PRSS56: variants seen among roughly 807,000 people sequenced by gnomAD.
The protein encoded by PRSS56 is protease, serine 56.
Under a neutral mutation model 66.8 loss-of-function variants are expected in PRSS56, and 55 were observed. The observed-to-expected ratio is 0.82, with a 90% CI of 0.66 to 1.03. PRSS56 has a LOEUF of 1.03. PRSS56 is among the 50% of genes least tolerant of loss of function. The pLI, the probability that PRSS56 is intolerant of heterozygous loss-of-function variation, is 0.00. For missense variants in PRSS56, 869 were observed against 837.2 expected (o/e 1.04, Z -0.47); for synonymous variants, 409 against 387.9 (o/e 1.05, Z -0.64).
intron 11 of PRSS56, 26 bp downstream of exon 11, chr2:232,524,395 A>G: frequency 6.5e-7 from 1 of 1,531,788 alleles, no homozygotes; most frequent in Non-Finnish European, 8.7e-7. Flanking sequence ...GCCGACCTTC[A>G]GGAGGGGATA....
Position 232,525,574 on chromosome 2 carries a change from C to A in PRSS56, c.*68C>A. On this transcript the variant is annotated 3_prime_UTR_variant, in exon 13 of 13. Transcript: ENST00000617714. ...CCAGGGGCTGAGAGGGGTTCGGGAG[C>A]ATAATGACAAACTGTCGCTGCCCCA... 1.0e-6 allele frequency: 1 copy of A among 952,502 alleles called. No homozygotes were observed. The highest frequency in any genetic ancestry group is 1.3e-6 in the Non-Finnish European group (1 of 746,200). 59.0% of individuals were successfully genotyped at this position (952,502 alleles called of 1,614,324 possible).
rs190688793 is a variant in PRSS56 at position 232,520,455 on chromosome 2, C to A, written c.-144C>A. On this transcript the variant is annotated 5_prime_UTR_variant, in exon 1 of 13. Transcript: ENST00000617714. Reference sequence around the variant, plus strand: ...GGCGGGTAATTTTGATGTAAGAGAACGGGGTCAGATGATTTGAGGGACAAG... The same window carrying A: ...GGCGGGTAATTTTGATGTAAGAGAAAGGGGTCAGATGATTTGAGGGACAAG... 5 of 700,084 alleles carry A rather than the reference C, an allele frequency of 7.1e-6. No individual in the cohort carries two copies. Among genetic ancestry groups the A allele is most frequent in the African/African-American group, 3.5e-5 (2 of 57,236 alleles). 43.4% of individuals were successfully genotyped at this position (700,084 alleles called of 1,614,324 possible). A position where few individuals can be genotyped will look rare whatever the true frequency, so the allele number is the denominator to read the frequency against.
Position 232,525,459 on chromosome 2 carries a change from G to A in PRSS56, c.1765G>A (p.Gly589Arg), listed in dbSNP as rs893322816. 2.2e-5 allele frequency: 33 copies of A among 1,521,268 alleles called. No individual in the cohort carries two copies. Among genetic ancestry groups the A allele is most frequent in the Non-Finnish European group, 2.7e-5 (31 of 1,137,484 alleles). The allele number at this position is 1,521,268 out of a possible 1,614,324, so 94.2% of individuals were successfully genotyped here. Residue 589 changes from glycine (G) to arginine (R), a missense_variant, in exon 13 of 13, where the codon GGG (glycine) becomes AGG (arginine). Around this residue, in one of 3 missense-constraint regions of PRSS56, gnomAD observed 551 missense variants for 506.9 expected, o/e 1.09. Coordinates refer to ENST00000617714, the MANE Select transcript of PRSS56 (RefSeq NM_001195129.2). ...GCAGGGGCCCGGGCTGGAGAGGAAG[G>A]GGCACCACCCACTCAACCCTCAGGT... The part of the protein sequence containing the change: ...VGQGPGLERK[G>R]HHPLNPQVPP...
rs764526661 is a variant in PRSS56 at position 232,523,819 on chromosome 2, C to G, written c.1060C>G (p.Pro354Ala). The G allele has an allele frequency of 2.7e-5, 42 of 1,533,610 alleles. No homozygotes were observed. In the African/African-American group the frequency reaches 5.2e-4, roughly 19 times the overall value. ...PSCRELLAWD[P>A]PQELQADAAR... ...CTGCAGGGAGCTTCTGGCCTGGGACCCCCCCCAGGAGCTGCAGGCAGACGC... is the reference window on the plus strand; with the variant it reads ...CTGCAGGGAGCTTCTGGCCTGGGACGCCCCCCAGGAGCTGCAGGCAGACGC... The change falls in exon 9 of 13, where the codon CCC (proline) becomes GCC (alanine). Residue 354 changes from proline (P) to alanine (A), a missense_variant. Transcript: ENST00000617714.
In PRSS56 at chr2:232,524,339, C is replaced by A; in HGVS notation, c.1384C>A (p.Arg462=). 6.5e-7 allele frequency: 1 copy of A among 1,535,684 alleles called. No individual in the cohort carries two copies. The highest frequency in any genetic ancestry group is 2.4e-5 in the East Asian group (1 of 40,896). Residue 462 remains arginine, a synonymous_variant, in exon 11 of 13, where the codon CGG becomes AGG. Transcript: ENST00000617714. ...GGCTGCAGGCACTCGGTTCCCGAAG[C>A]GGAGGCCGGAGCCGCGCGGAGAAGC... ...SRAAGTRFPK[R]RPEPRGEANG... is the part of the protein sequence containing the mutation.
chr2:232,523,602 C>T, intron 8 of PRSS56, 24 bp downstream of exon 8: 1 of 1,507,828 alleles, frequency 6.6e-7, no homozygotes, highest in Non-Finnish European at 8.8e-7. Context: ...TTCCAATGCC[C>T]CGTCCCCAGT....
intron 2 of PRSS56, 56 bp from the exon 3 acceptor site, chr2:232,521,760 G>T: frequency 6.6e-7 from 1 of 1,507,812 alleles, no homozygotes; most frequent in East Asian, 2.5e-5. Flanking sequence ...GGCCCAGCCT[G>T]GGGTGAGGAC....
rs1436197524 is a variant in PRSS56, at chr2:232,523,081, T to C, written c.728T>C (p.Val243Ala). The change falls in exon 7 of 13, where the codon GTG becomes GCG. Residue 243 changes from valine to alanine, a missense_variant. Coordinates refer to ENST00000617714, the MANE Select transcript of PRSS56 (RefSeq NM_001195129.2). Reference sequence around the variant, plus strand: ...GCAGACGGGCCTGAGGCTGAAGCAGTGAGAGAGGCCCGTGTTCCCCTGCTC... The same window carrying C: ...GCAGACGGGCCTGAGGCTGAAGCAGCGAGAGAGGCCCGTGTTCCCCTGCTC... ...LFEDGPEAEA[V>A]REARVPLLST... The C allele has an allele frequency of 3.3e-6, 5 of 1,534,778 alleles. No individual in the cohort carries two copies. The East Asian group carries it at 7.3e-5, about 23-fold the overall frequency.
chr2:232,523,666 C>G, intron 8 of PRSS56, 88 bp downstream of exon 8: 1 of 1,514,112 alleles, frequency 6.6e-7, no homozygotes, highest in Non-Finnish European at 8.8e-7. Flanking sequence ...CATGCCCATT[C>G]CCAGCTCCCT....
chr2:232,523,376 G>T (rs1168523297), intron 7 of PRSS56, 40 bp from the exon 8 acceptor site: 1 of 1,428,704 alleles, frequency 7.0e-7, no homozygotes, highest in South Asian at 1.5e-5. Flanking sequence ...GGCGTCATAG[G>T]GGGCAGGTGA....
At position 232,522,510 on chromosome 2, in the gene PRSS56, C is replaced by G. The variant is rs1325679331; in HGVS notation, c.447-5C>G. 4.6e-6 allele frequency: 7 copies of G among 1,527,930 alleles called. No individual in the cohort carries two copies. The highest frequency in any genetic ancestry group is 2.8e-5 in the African/African-American group (2 of 72,580). The allele number at this position is 1,527,930 out of a possible 1,614,324, so 94.6% of individuals were successfully genotyped here. A position where few individuals can be genotyped will look rare whatever the true frequency, so the allele number is the denominator to read the frequency against. ...CCTGCGTCTCAGCTGCCGCTCGACC[C>G]GCAGCGCCCCGAATGAGCTTCTGTG... is the stretch of plus-strand genomic sequence containing the variant. On this transcript the variant is annotated splice_polypyrimidine_tract_variant and splice_region_variant and intron_variant, in intron 4 of 12. Coordinates refer to ENST00000617714, the MANE Select transcript of PRSS56 (RefSeq NM_001195129.2).
chr2:232,523,169 C>A lies in PRSS56; in HGVS notation c.816C>A (p.Ala272=). The part of the protein sequence containing the change: ...PGLRPSTMLC[A]GYLAGGVDSC... The stretch of plus-strand genomic sequence containing the variant: ...TGCGCCCCAGCACCATGCTCTGCGC[C>A]GGGTACCTGGCGGGGGGCGTTGACT... Residue 272 remains alanine, a synonymous_variant, in exon 7 of 13, where the codon GCC becomes GCA. Transcript: ENST00000617714. The A allele has an allele frequency of 6.7e-7, 1 of 1,495,272 alleles. No individual in the cohort carries two copies. Among genetic ancestry groups the A allele is most frequent in the Non-Finnish European group, 8.9e-7 (1 of 1,126,388 alleles). 92.6% of individuals were successfully genotyped at this position (1,495,272 alleles called of 1,614,324 possible). A position where few individuals can be genotyped will look rare whatever the true frequency, so the allele number is the denominator to read the frequency against.
chr2:232,523,139 C>G lies in PRSS56; in HGVS notation c.786C>G (p.Pro262=). ...STDTCRRALG[P]GLRPSTMLCA... is the part of the protein sequence containing the mutation. ...ACACCTGCCGAAGAGCCCTGGGGCC[C>G]GGGCTGCGCCCCAGCACCATGCTCT... Residue 262 remains proline, a synonymous_variant, in exon 7 of 13, where the codon CCC becomes CCG. Coordinates refer to ENST00000617714, the MANE Select transcript of PRSS56 (RefSeq NM_001195129.2). 1 of 1,531,932 alleles carries G rather than the reference C, an allele frequency of 6.5e-7. No individual in the cohort carries two copies. Among genetic ancestry groups the G allele is most frequent in the South Asian group, 1.2e-5 (1 of 83,558 alleles). The allele number at this position is 1,531,932 out of a possible 1,614,324, so 94.9% of individuals were successfully genotyped here.
chr2:232,525,527 C>T lies in PRSS56; in HGVS notation c.*21C>T, dbSNP rs1455259989. ...CCTGAGCCATGTCTGGGCCCCCAGC[C>T]CCTGGGGAGGACCTACTGCTCCCAG... On this transcript the variant is annotated 3_prime_UTR_variant, in exon 13 of 13. Coordinates refer to ENST00000617714, the MANE Select transcript of PRSS56 (RefSeq NM_001195129.2). The T allele has an allele frequency of 6.9e-7, 1 of 1,443,238 alleles. No individual in the cohort carries two copies. Among genetic ancestry groups the T allele is most frequent in the Admixed American group, 2.6e-5 (1 of 39,058 alleles). The allele number at this position is 1,443,238 out of a possible 1,614,324, so 89.4% of individuals were successfully genotyped here.
intron 1 of PRSS56, 39 bp downstream of exon 1, chr2:232,520,734 G>T: frequency 7.3e-7 from 1 of 1,379,034 alleles, no homozygotes; most frequent in Non-Finnish European, 9.9e-7. Flanking sequence ...GGGTTGGGAG[G>T]AATGTAGAGG....
At chr2:232,523,985 G>A (rs991507456) in intron 9 of PRSS56, 40 bp downstream of exon 9, 68 of 1,523,720 alleles carry the variant, frequency 4.5e-5, no homozygotes, top group Non-Finnish European at 5.9e-5. Flanking sequence ...GGGGCAGAGG[G>A]GAGGGGGCCT....
chr2:232,525,383 C>A lies in PRSS56; in HGVS notation c.1689C>A (p.Arg563=). 6.5e-7 allele frequency: 1 copy of A among 1,533,956 alleles called. No individual in the cohort carries two copies. Residue 563 remains arginine, a synonymous_variant, in exon 13 of 13, where the codon CGC becomes CGA. Transcript: ENST00000617714. ...RLLVQALQAF[R]VAALAEGEPE... Reference sequence around the variant, plus strand: ...TGGTGCAGGCCCTGCAGGCCTTCCGCGTGGCTGCCCTGGCAGAAGGGGAGC... The same window carrying A: ...TGGTGCAGGCCCTGCAGGCCTTCCGAGTGGCTGCCCTGGCAGAAGGGGAGC...
Position 232,522,031 on chromosome 2 carries a change from TG to T in PRSS56, c.323del (p.Gly108AlafsTer13). 1 of 1,465,514 alleles carries T rather than the reference TG, an allele frequency of 6.8e-7. No homozygotes were observed. Among genetic ancestry groups the T allele is most frequent in the Non-Finnish European group, 9.0e-7 (1 of 1,115,574 alleles). 90.8% of individuals were successfully genotyped at this position (1,465,514 alleles called of 1,614,324 possible). On this transcript the variant is annotated frameshift_variant, in exon 4 of 13. Coordinates refer to ENST00000617714, the MANE Select transcript of PRSS56 (RefSeq NM_001195129.2). LOFTEE classifies it high-confidence loss of function. ...GTGACGCGGGCCCACGGCCGCATCG[TG>T]GGGGGCAGCGCGGCGCCGCCCGGGG... ...ANVTRAHGRI[V>X]GGSAAPPGAW...
Position 232,522,159 on chromosome 2 carries a change from G to A in PRSS56, c.445G>A (p.Gly149Ser), listed in dbSNP as rs1304030855. The change falls in exon 4 of 13, where the codon GGC becomes AGC. Residue 149 changes from glycine to serine, a missense_variant and splice_region_variant. By Grantham distance (56) the Gly-to-Ser change is moderately conservative. Around this residue, in one of 3 missense-constraint regions of PRSS56, gnomAD observed 315 missense variants for 313.7 expected, o/e 1.00. Transcript: ENST00000617714. ...WVLTAAHCFVGAPNELLWTVT... is the reference protein window; with the variant it reads ...WVLTAAHCFVSAPNELLWTVT... ...GCTCACGGCAGCGCACTGCTTTGTA[G>A]GGTAAGTAGGACCCCCAGGCCTTGC... 1 of 1,497,542 alleles carries A rather than the reference G, an allele frequency of 6.7e-7. No homozygotes were observed. Among genetic ancestry groups the A allele is most frequent in the African/African-American group, 1.5e-5 (1 of 68,864 alleles). 92.8% of individuals were successfully genotyped at this position (1,497,542 alleles called of 1,614,324 possible).
Sources: gnomAD v4.1 joint callset for allele counts on GRCh38, gnomAD v4.1.1 for gene constraint, gnomAD v4.1.1 regional missense constraint, MANE v1.5 for transcripts, NCBI Gene and HGNC (gene_info 2026-07-23, HGNC 2026-07-21) for gene names.